The following EFCAB11 variants were observed in gnomAD, a reference collection of about 807,000 sequenced individuals.
EFCAB11 encodes EF-hand calcium binding domain 11.
In EFCAB11, 14 loss-of-function variants were observed where a neutral mutation model predicts 23.0. The observed-to-expected ratio is 0.61, with a 90% CI of 0.40 to 0.95. EFCAB11 has a LOEUF of 0.95. EFCAB11 is among the 40% of genes least tolerant of loss of function. The probability of loss-of-function intolerance (pLI) is 0.00; values close to 1 mark genes in which losing one functional copy is unlikely to be tolerated. For synonymous variants in EFCAB11, 65 were observed against 66.6 expected, an observed-to-expected ratio of 0.98 and a Z score of 0.11; for missense variants, 198 against 195.8, an observed-to-expected ratio of 1.01 and a Z score of -0.07.
At chr14:89,938,342 A>C (rs1188623658) in intron 3 of EFCAB11, among the ~76,000 whole-genome samples, 2 of 152,216 alleles carry the variant, frequency 1.3e-5, no homozygotes, top group Admixed American at 1.3e-4. Context: ...GTCTTTCAAA[A>C]GACATAATGC....
At chr14:89,902,035 A>C (rs1889355008) in intron 5 of EFCAB11, among the ~76,000 whole-genome samples, 1 of 152,192 alleles carries the variant, frequency 6.6e-6, no homozygotes, top group African/African-American at 2.4e-5. Flanking sequence ...TAAAAGAAAG[A>C]GGTAGCACCC....
Position 89,950,092 on chromosome 14 carries a change from A to G in EFCAB11, c.217+5T>C. 1 of 1,548,510 alleles carries G rather than the reference A, an allele frequency of 6.5e-7. No individual in the cohort carries two copies. The highest frequency in any genetic ancestry group is 2.3e-5 in the East Asian group (1 of 42,876). ...ACTAAAAATTAATATTAACTTTCAT[A>G]TTACCAGAAGTATTTGGATTTATTG... is the stretch of plus-strand genomic sequence containing the variant. On this transcript the variant is annotated splice_donor_5th_base_variant and intron_variant, in intron 3 of 5. Transcript: ENST00000316738.
At chr14:89,903,904 CCT>C (rs1889412184) in intron 5 of EFCAB11, among the ~76,000 whole-genome samples, 1 of 152,066 alleles carries the variant, frequency 6.6e-6, no homozygotes, top group Admixed American at 6.6e-5. Context: ...CAGATGGATT[CCT>C]TTTTTTTATA....
chr14:89,850,121 C>T (rs1232342020), intron 5 of EFCAB11, among the ~76,000 whole-genome samples: 2 of 152,162 alleles, frequency 1.3e-5, no homozygotes, highest in Non-Finnish European at 2.9e-5. Flanking sequence ...GCCACATGCT[C>T]TCTGCTGCAG....
At chr14:89,938,452 C>T (rs73324512) in intron 3 of EFCAB11, among the ~76,000 whole-genome samples, 22,369 of 152,090 alleles carry the variant, frequency 0.15, 3,609 homozygotes, top group African/African-American at 0.4. Flanking sequence ...AGAAAGACTG[C>T]AAGGATGGTA....
intron 5 of EFCAB11, among the ~76,000 whole-genome samples, chr14:89,802,207 TA>T (rs35720736): frequency 0.85 from 115,068 of 136,060 alleles, 48,655 homozygotes; most frequent in Middle Eastern, 0.9. Context: ...CCAAGTTACT[TA>T]AAAAAAAAAA....
chr14:89,904,866 A>G (rs1889447986), intron 5 of EFCAB11, among the ~76,000 whole-genome samples: 1 of 152,066 alleles, frequency 6.6e-6, no homozygotes, highest in Non-Finnish European at 1.5e-5. Context: ...TAGATTCTGG[A>G]TATTAGCCCT....
chr14:89,822,972 GC>G (rs1886574459), intron 5 of EFCAB11, among the ~76,000 whole-genome samples: 1 of 152,088 alleles, frequency 6.6e-6, no homozygotes, highest in South Asian at 2.1e-4. Flanking sequence ...CTGCTACTTG[GC>G]CATCATAATG....
At chr14:89,802,286 A>G (rs1488736296) in intron 5 of EFCAB11, among the ~76,000 whole-genome samples, 3 of 152,046 alleles carry the variant, frequency 2.0e-5, no homozygotes, top group Admixed American at 6.5e-5. Context: ...TTTCTATTAA[A>G]ATGACATAAA....
intron 5 of EFCAB11, among the ~76,000 whole-genome samples, chr14:89,835,081 G>T (rs1887028984): frequency 6.6e-6 from 1 of 152,044 alleles, no homozygotes; most frequent in Non-Finnish European, 1.5e-5. Context: ...CTATTTTCTT[G>T]GAGATATAGG....
chr14:89,934,850 C>T (rs972462821), intron 3 of EFCAB11, among the ~76,000 whole-genome samples: 19 of 152,074 alleles, frequency 1.2e-4, no homozygotes, highest in African/African-American at 3.4e-4. Flanking sequence ...CTAGAGTAGC[C>T]GAAATTCTTG....
At chr14:89,952,182 C>T (rs530945205) in intron 2 of EFCAB11, among the ~76,000 whole-genome samples, 2 of 152,118 alleles carry the variant, frequency 1.3e-5, no homozygotes, top group South Asian at 2.1e-4. Context: ...TAGTAAATAC[C>T]GTTTAGTGAC....
At chr14:89,830,144 A>G (rs1886836383) in intron 5 of EFCAB11, 2 of 152,196 alleles carry the variant, frequency 1.3e-5, no homozygotes, top group Non-Finnish European at 2.9e-5. Context: ...CCCTACAAGT[A>G]GCCTTATTGG....
chr14:89,834,313 T>C (rs1307498407), intron 5 of EFCAB11, among the ~76,000 whole-genome samples: 1 of 129,526 alleles, frequency 7.7e-6, no homozygotes, highest in East Asian at 2.1e-4. Flanking sequence ...GAGGCGGAGG[T>C]TGCAGCGAGC....
Position 89,931,576 on chromosome 14 carries a change from G to A in EFCAB11, c.375C>T (p.Pro125=), listed in dbSNP as rs1409588224. The A allele has an allele frequency of 6.2e-7, 1 of 1,613,974 alleles. No homozygotes were observed. The highest frequency in any genetic ancestry group is 1.3e-5 in the African/African-American group (1 of 74,910). The change falls in exon 5 of 6, where the codon CCC becomes CCT. Residue 125 remains proline (P), a synonymous_variant. Coordinates refer to ENST00000316738, the MANE Select transcript of EFCAB11 (RefSeq NM_145231.4). ...DFKKAFRQVA[P]KLPERTVLEV... ...CAAGAACAGTCCTTTCCGGTAATTTGGGAGCCACCTGCCTAAATGCTTTTT... is the reference window on the plus strand; with the variant it reads ...CAAGAACAGTCCTTTCCGGTAATTTAGGAGCCACCTGCCTAAATGCTTTTT...
intron 3 of EFCAB11, among the ~76,000 whole-genome samples, chr14:89,946,796 T>C (rs941974478): frequency 2.6e-5 from 4 of 151,772 alleles, no homozygotes; most frequent in African/African-American, 7.3e-5. Context: ...CAGACTGGTC[T>C]TGAACTCCTG....
intron 5 of EFCAB11, among the ~76,000 whole-genome samples, chr14:89,808,130 T>A (rs1187203269): frequency 6.6e-6 from 1 of 152,192 alleles, no homozygotes; most frequent in Non-Finnish European, 1.5e-5. Context: ...ACAGCTAGAC[T>A]ACATTTCCCA....
intron 5 of EFCAB11, chr14:89,848,898 GC>G (rs1356077173): frequency 6.6e-6 from 1 of 152,232 alleles, no homozygotes; most frequent in East Asian, 1.9e-4. Context: ...TTGCACTCCA[GC>G]CTGGGTGACA....
At chr14:89,863,353 A>G (rs996716840) in intron 5 of EFCAB11, among the ~76,000 whole-genome samples, 16 of 152,350 alleles carry the variant, frequency 1.1e-4, no homozygotes, top group African/African-American at 3.8e-4. Flanking sequence ...GGAATTAAGC[A>G]GCATACTCCA....
Sources: allele counts gnomAD v4.1 joint callset (sites outside exome capture counted in the v4.1 genomes callset), GRCh38; gene constraint gnomAD v4.1.1; transcripts MANE v1.5; gene names NCBI Gene and HGNC (gene_info 2026-07-23, HGNC 2026-07-21).